Variants in NALF1 observed in about 807,000 individuals in gnomAD.
The protein encoded by NALF1 is family with sequence similarity 155 member A.
A neutral mutation model predicts 48.4 loss-of-function variants in NALF1; 3 were observed. That is an observed-to-expected ratio of 0.06 (90% CI 0.03 to 0.16). The LOEUF (loss-of-function observed/expected upper bound fraction) is 0.16, where lower values mean the gene tolerates loss of function less well. Among genes scored for constraint, NALF1 ranks in the 10% least tolerant of loss-of-function variants. The pLI is 1.00. For synonymous variants in NALF1, 262 were observed against 245.7 expected, an observed-to-expected ratio of 1.07 and a Z score of -0.62; for missense variants, 526 against 571.5, an observed-to-expected ratio of 0.92 and a Z score of 0.81.
intron 2 of NALF1, among the ~76,000 whole-genome samples, chr13:107,192,864 G>A (rs1364430197): frequency 1.3e-5 from 2 of 152,048 alleles, no homozygotes; most frequent in African/African-American, 4.8e-5. Context: ...TTAAGCTTTT[G>A]CATACCCTCT....
At chr13:107,705,897 G>A (rs1162194742) in intron 1 of NALF1, among the ~76,000 whole-genome samples, 2 of 151,860 alleles carry the variant, frequency 1.3e-5, no homozygotes, top group Admixed American at 6.6e-5. Context: ...CATAAGAGAG[G>A]AGTTAACTAG....
intron 1 of NALF1, among the ~76,000 whole-genome samples, chr13:107,693,865 A>T (rs1278589806): frequency 2.0e-5 from 3 of 152,170 alleles, no homozygotes; most frequent in Non-Finnish European, 2.9e-5. Flanking sequence ...TACTTGTTTC[A>T]CACACTGACT....
At position 107,168,098 on chromosome 13, in the gene NALF1, C is replaced by G. The variant is rs1021809436; in HGVS notation, c.*2399G>C. The G allele has an allele frequency of 1.3e-5, 2 of 152,272 alleles. No homozygotes were observed. The highest frequency in any genetic ancestry group is 2.9e-5 in the Non-Finnish European group (2 of 68,048). The allele number at this position is 152,272 out of a possible 1,614,324, so 9.4% of individuals were successfully genotyped here. On this transcript the variant is annotated 3_prime_UTR_variant, in exon 3 of 3. Coordinates refer to ENST00000375915, the MANE Select transcript of NALF1 (RefSeq NM_001080396.3). Reference sequence around the variant, plus strand: ...GCACGGGGAGAAGCAGCATGAGGAACGCTGAAGAGATGGTGAGATGGCACA... The same window carrying G: ...GCACGGGGAGAAGCAGCATGAGGAAGGCTGAAGAGATGGTGAGATGGCACA...
chr13:107,385,917 A>C, intron 1 of NALF1, among the ~76,000 whole-genome samples: 1 of 152,200 alleles, frequency 6.6e-6, no homozygotes, highest in East Asian at 1.9e-4. Context: ...AATTAGAAAA[A>C]AATAATACCT....
intron 1 of NALF1, among the ~76,000 whole-genome samples, chr13:107,336,414 G>T (rs1309804589): frequency 6.6e-6 from 1 of 151,924 alleles, no homozygotes; most frequent in East Asian, 1.9e-4. Flanking sequence ...ATCTTCACGA[G>T]TAGAAAAATT....
chr13:107,273,329 C>T (rs530498880), intron 1 of NALF1, among the ~76,000 whole-genome samples: 2 of 152,254 alleles, frequency 1.3e-5, no homozygotes, highest in East Asian at 3.9e-4. Context: ...TTTACCTGTT[C>T]TTTTGGGGGG....
chr13:107,751,983 T>C (rs1166282049), intron 1 of NALF1, among the ~76,000 whole-genome samples: 2 of 152,088 alleles, frequency 1.3e-5, no homozygotes, highest in African/African-American at 2.4e-5. Flanking sequence ...TTTTTAGTAT[T>C]CTATCAAATT....
At chr13:107,590,835 C>T (rs1267261377) in intron 1 of NALF1, among the ~76,000 whole-genome samples, 2 of 151,912 alleles carry the variant, frequency 1.3e-5, no homozygotes, top group Non-Finnish European at 2.9e-5. Flanking sequence ...GACTCTCCTG[C>T]TCAATCATCA....
At chr13:107,711,846 A>G (rs1875602588) in intron 1 of NALF1, among the ~76,000 whole-genome samples, 1 of 152,196 alleles carries the variant, frequency 6.6e-6, no homozygotes, top group African/African-American at 2.4e-5. Context: ...GTAGCTATTG[A>G]TCTTGTTTTT....
At chr13:107,609,447 C>T (rs1879164028) in intron 1 of NALF1, among the ~76,000 whole-genome samples, 1 of 152,194 alleles carries the variant, frequency 6.6e-6, no homozygotes, top group African/African-American at 2.4e-5. Flanking sequence ...TCTGGGATCT[C>T]AGTGAAGCTG....
intron 1 of NALF1, among the ~76,000 whole-genome samples, chr13:107,847,658 T>C (rs912358520): frequency 6.6e-6 from 1 of 152,128 alleles, no homozygotes; most frequent in Non-Finnish European, 1.5e-5. Flanking sequence ...GCTGAGATCC[T>C]CAGCTCAACA....
At chr13:107,553,923 C>G (rs1321636760) in intron 1 of NALF1, among the ~76,000 whole-genome samples, 1 of 152,190 alleles carries the variant, frequency 6.6e-6, no homozygotes, top group East Asian at 1.9e-4. Context: ...AAGTCCACAT[C>G]GTCTTTAAAA....
intron 1 of NALF1, among the ~76,000 whole-genome samples, chr13:107,698,369 C>A (rs996761971): frequency 1.3e-5 from 2 of 152,018 alleles, no homozygotes; most frequent in Non-Finnish European, 2.9e-5. Flanking sequence ...CATCCAAGAG[C>A]AATTCTAATC....
intron 2 of NALF1, among the ~76,000 whole-genome samples, chr13:107,204,046 G>C (rs993437341): frequency 2.2e-5 from 3 of 138,722 alleles, no homozygotes; most frequent in Non-Finnish European, 4.6e-5. Context: ...AGGTGAGCTG[G>C]AGGCAGAGAG....
In NALF1 at chr13:107,324,696, T is replaced by C. The variant is rs112222190; in HGVS notation, c.916-113941A>G. ...TGTGCCTGTGTGTGTGCACAGTAGA[T>C]ATACTTGTAAACTCATGAAACAGTG... On this transcript the variant is annotated intron_variant, in intron 1 of 2. Transcript: ENST00000375915. Among the ~76,000 whole-genome samples the C allele has an allele frequency of 4.7e-4, 71 of 152,320 alleles. No individual in the cohort carries two copies. The Middle Eastern group carries it at 0.014, about 29-fold the overall frequency.
At chr13:107,605,286 T>C (rs1002561390) in intron 1 of NALF1, among the ~76,000 whole-genome samples, 2 of 152,198 alleles carry the variant, frequency 1.3e-5, no homozygotes, top group African/African-American at 4.8e-5. Flanking sequence ...AGTGAAATAG[T>C]TGAAGCTATT....
chr13:107,750,088 T>C (rs1876893458), intron 1 of NALF1, among the ~76,000 whole-genome samples: 1 of 152,166 alleles, frequency 6.6e-6, no homozygotes, highest in Admixed American at 6.5e-5. Flanking sequence ...AAAGTGTTTT[T>C]AAATTTTCAT....
intron 1 of NALF1, among the ~76,000 whole-genome samples, chr13:107,224,138 T>A (rs1880052736): frequency 6.6e-6 from 1 of 152,030 alleles, no homozygotes; most frequent in Non-Finnish European, 1.5e-5. Context: ...GGTGGTAACA[T>A]TGGAAGGTGC....
intron 1 of NALF1, among the ~76,000 whole-genome samples, chr13:107,669,625 C>T (rs557352472): frequency 2.2e-4 from 34 of 152,258 alleles, no homozygotes; most frequent in African/African-American, 7.7e-4. Context: ...GGTTCACCAA[C>T]ACAACCACAT....
Sources: gnomAD v4.1 joint callset for allele counts (sites outside exome capture counted in the v4.1 genomes callset) on GRCh38, gnomAD v4.1.1 for gene constraint, MANE v1.5 for transcripts, NCBI Gene and HGNC (gene_info 2026-07-23, HGNC 2026-07-21) for gene names.